CALCRL: variants seen among roughly 807,000 people sequenced by gnomAD.
CALCRL encodes the protein calcitonin gene-related peptide type 1 receptor.
CALCRL carries 27 observed loss-of-function variants against 60.4 expected under a neutral mutation model. The ratio of observed to expected loss-of-function variants is 0.45; its 90% CI spans 0.33 to 0.62. The LOEUF (loss-of-function observed/expected upper bound fraction) is 0.62, where lower values mean the gene tolerates loss of function less well. CALCRL is among the 20% of genes least tolerant of loss of function. CALCRL has a pLI of 0.03. For synonymous variants in CALCRL, 190 were observed against 182.6 expected, an observed-to-expected ratio of 1.04 and a Z score of -0.33; for missense variants, 424 against 540.7, an observed-to-expected ratio of 0.78 and a Z score of 2.14.
At chr2:187,365,198 C>T (rs545686166) in intron 8 of CALCRL, among the ~76,000 whole-genome samples, 1 of 152,216 alleles carries the variant, frequency 6.6e-6, no homozygotes, top group Non-Finnish European at 1.5e-5. Context: ...GTTCATTGAG[C>T]ATGAAGAGAG....
At position 187,380,551 on chromosome 2, in the gene CALCRL, A is replaced by T. The variant is rs1687942026; in HGVS notation, c.324T>A (p.Asp108Glu). The T allele has an allele frequency of 3.1e-6, 5 of 1,613,280 alleles. No homozygotes were observed. The Admixed American group carries it at 8.3e-5, about 27-fold the overall frequency. Residue 108 changes from aspartate to glutamate, a missense_variant, in exon 7 of 15, where the codon GAT (aspartate) becomes GAA (glutamate). By Grantham distance (45) the Asp-to-Glu change is conservative (BLOSUM62 2). This residue lies in a region of CALCRL where 108 missense variants were observed against 132.9 expected (regional missense o/e 0.81). Coordinates refer to ENST00000392370, the MANE Select transcript of CALCRL (RefSeq NM_005795.6). ...TTGCTGGATGTCTAAACCAGTTTCC[A>T]TCTTGGTCACAGATCTTTGTAACTT... ...SEKVTKICDQ[D>E]GNWFRHPASN...
chr2:187,437,112 C>T (rs866779275), intron 1 of CALCRL, among the ~76,000 whole-genome samples: 30 of 152,190 alleles, frequency 2.0e-4, no homozygotes, highest in African/African-American at 7.2e-4. Context: ...CCCAAGCCTT[C>T]ACATTGCATT....
At chr2:187,367,927 G>GT in intron 8 of CALCRL, among the ~76,000 whole-genome samples, 1 of 152,080 alleles carries the variant, frequency 6.6e-6, no homozygotes, top group East Asian at 1.9e-4. Flanking sequence ...TGATGTTATT[G>GT]TGTCAACAAA....
Position 187,346,005 on chromosome 2 carries a change from T to C in CALCRL, c.*179A>G. On this transcript the variant is annotated 3_prime_UTR_variant, in exon 15 of 15. Coordinates refer to ENST00000392370, the MANE Select transcript of CALCRL (RefSeq NM_005795.6). The stretch of plus-strand genomic sequence containing the variant: ...AAACATTACAAACCAGGATTTCTTT[T>C]TTCCCACATAGAGCTGGATGTTACA... The C allele has an allele frequency of 2.0e-6, 1 of 492,826 alleles. No homozygotes were observed. Among genetic ancestry groups the C allele is most frequent in the South Asian group, 3.4e-5 (1 of 29,420 alleles). 30.5% of individuals were successfully genotyped at this position (492,826 alleles called of 1,614,324 possible).
intron 8 of CALCRL, among the ~76,000 whole-genome samples, chr2:187,368,940 G>A (rs10208253): frequency 0.039 from 5,906 of 152,130 alleles, 369 homozygotes; most frequent in African/African-American, 0.13. Flanking sequence ...TCAAGTTGAT[G>A]GAATCACATG....
At chr2:187,355,142 G>C (rs1026951491) in intron 12 of CALCRL, among the ~76,000 whole-genome samples, 1 of 152,004 alleles carries the variant, frequency 6.6e-6, no homozygotes, top group African/African-American at 2.4e-5. Flanking sequence ...AATACCCTGT[G>C]AGGTATATAT....
At chr2:187,364,856 T>C (rs1036088459) in intron 8 of CALCRL, among the ~76,000 whole-genome samples, 1 of 152,144 alleles carries the variant, frequency 6.6e-6, no homozygotes, top group Non-Finnish European at 1.5e-5. Flanking sequence ...CTTGGAATGA[T>C]TGCTGAGTGT....
chr2:187,442,480 A>G (rs1465918761), intron 1 of CALCRL, among the ~76,000 whole-genome samples: 4 of 151,786 alleles, frequency 2.6e-5, no homozygotes, highest in Non-Finnish European at 5.9e-5. Flanking sequence ...GTTAAGCCAA[A>G]ACCTAAATTT....
At chr2:187,431,215 T>A (rs191200249) in intron 1 of CALCRL, 2 of 154,818 alleles carry the variant, frequency 1.3e-5, no homozygotes. Flanking sequence ...ATTGTTAACA[T>A]GGTCTTATCC....
At chr2:187,350,556 C>A (rs981628319) in intron 14 of CALCRL, among the ~76,000 whole-genome samples, 7 of 150,566 alleles carry the variant, frequency 4.6e-5, no homozygotes, top group Non-Finnish European at 8.9e-5. Context: ...CACCTCATTA[C>A]AAATAAATAA....
At chr2:187,368,237 T>C (rs376920126) in intron 8 of CALCRL, among the ~76,000 whole-genome samples, 2 of 152,094 alleles carry the variant, frequency 1.3e-5, no homozygotes, top group East Asian at 3.8e-4. Flanking sequence ...AAGTTAGCTG[T>C]TGTTTTTTAG....
At chr2:187,357,942 C>A (rs1452300888) in intron 12 of CALCRL, among the ~76,000 whole-genome samples, 2 of 151,718 alleles carry the variant, frequency 1.3e-5, no homozygotes, top group Non-Finnish European at 2.9e-5. Flanking sequence ...AGTATAACAA[C>A]AACAACAACA....
rs753261432 is a variant in CALCRL, at chr2:187,352,603, CAG to C, written c.910-273_910-272del. ...GAACATATTCAGTTGAAGAATATTT[CAG>C]TTTTTCTCAGCTCATTTTCACGTGC... On this transcript the variant is annotated intron_variant, in intron 12 of 14. Coordinates refer to ENST00000392370, the MANE Select transcript of CALCRL (RefSeq NM_005795.6). Among the ~76,000 whole-genome samples the C allele has an allele frequency of 4.3e-4, 65 of 151,740 alleles. 1 individual carries two copies. The highest frequency in any genetic ancestry group is 2.5e-3 in the South Asian group (12 of 4,814).
At chr2:187,438,077 T>G (rs986137885) in intron 1 of CALCRL, among the ~76,000 whole-genome samples, 1 of 152,172 alleles carries the variant, frequency 6.6e-6, no homozygotes, top group Non-Finnish European at 1.5e-5. Context: ...ACATTTCTGG[T>G]AAATGAATAA....
intron 8 of CALCRL, among the ~76,000 whole-genome samples, chr2:187,364,240 A>T (rs1381084610): frequency 6.6e-6 from 1 of 152,156 alleles, no homozygotes; most frequent in Non-Finnish European, 1.5e-5. Context: ...TCTTAGATTG[A>T]ATCCACCTCC....
At chr2:187,378,461 C>T (rs888258810) in intron 8 of CALCRL, among the ~76,000 whole-genome samples, 1 of 151,964 alleles carries the variant, frequency 6.6e-6, no homozygotes, top group Non-Finnish European at 1.5e-5. Flanking sequence ...ACAATTAAAC[C>T]TTTTTAATGA....
intron 9 of CALCRL, 52 bp downstream of exon 9, chr2:187,363,323 TC>T: frequency 6.4e-7 from 1 of 1,555,162 alleles, no homozygotes; most frequent in East Asian, 2.3e-5. Context: ...TCAGCCATGT[TC>T]CCCCTTTCCC....
In CALCRL at chr2:187,380,503, A is replaced by G; in HGVS notation, c.372T>C (p.Tyr124=). ...CGTGGGTGTTAACATTACACTGGGT[A>G]TAATTTGTCCATGTTCTGTTGCTTG... The part of the protein sequence containing the change: ...HPASNRTWTN[Y]TQCNVNTHEK... The change falls in exon 7 of 15, where the codon TAT becomes TAC. Residue 124 remains tyrosine (Y), a synonymous_variant. Transcript: ENST00000392370. 3 of 1,610,826 alleles carry G rather than the reference A, an allele frequency of 1.9e-6. No homozygotes were observed. The highest frequency in any genetic ancestry group is 1.7e-6 in the Non-Finnish European group (2 of 1,177,078).
At chr2:187,424,073 G>A (rs1690015109) in intron 1 of CALCRL, among the ~76,000 whole-genome samples, 1 of 151,952 alleles carries the variant, frequency 6.6e-6, no homozygotes, top group Admixed American at 6.6e-5. Context: ...ATGCCATATA[G>A]ACAAAACATT....
Sources: allele counts gnomAD v4.1 joint callset (sites outside exome capture counted in the v4.1 genomes callset), GRCh38; gene constraint gnomAD v4.1.1; regional missense constraint gnomAD v4.1.1; transcripts MANE v1.5; gene names NCBI Gene and HGNC (gene_info 2026-07-23, HGNC 2026-07-21).